The following DOCK3 variants were observed in gnomAD, a reference collection of about 807,000 sequenced individuals.
DOCK3 encodes dedicator of cytokinesis protein 3.
In DOCK3, 60 loss-of-function variants were observed where a neutral mutation model predicts 265.6. That is an observed-to-expected ratio of 0.23 (90% CI 0.18 to 0.28). The LOEUF is 0.28. Among genes scored for constraint, DOCK3 ranks in the 10% least tolerant of loss-of-function variants. The pLI is 1.00. For synonymous variants in DOCK3, 881 were observed against 938.0 expected (o/e 0.94, Z 1.11); for missense variants, 1,981 against 2,594.3 (o/e 0.76, Z 5.14).
intron 1 of DOCK3, among the ~76,000 whole-genome samples, chr3:50,677,777 G>T (rs2107644314): frequency 6.6e-6 from 1 of 152,280 alleles, no homozygotes; most frequent in South Asian, 2.1e-4. Flanking sequence ...TTGAGATCCT[G>T]TAGTAATACT....
intron 4 of DOCK3, among the ~76,000 whole-genome samples, chr3:50,931,185 A>G (rs2051048282): frequency 6.6e-6 from 1 of 151,994 alleles, no homozygotes; most frequent in African/African-American, 2.4e-5. Flanking sequence ...CTTGCTCATT[A>G]TTTTCTCTAT....
At chr3:51,379,415 A>C in intron 51 of DOCK3, 1 of 980,470 alleles carries the variant, frequency 1.0e-6, no homozygotes, top group Non-Finnish European at 1.2e-6. Flanking sequence ...TCAAGAAGTA[A>C]CCTCCCTTCA....
chr3:50,715,537 C>A (rs2037052683), intron 1 of DOCK3, among the ~76,000 whole-genome samples: 1 of 151,780 alleles, frequency 6.6e-6, no homozygotes, highest in Admixed American at 6.6e-5. Flanking sequence ...GGCAACAGAG[C>A]AAGACGCTGC....
intron 12 of DOCK3, among the ~76,000 whole-genome samples, chr3:51,173,294 T>C (rs1049384267): frequency 6.6e-6 from 1 of 152,158 alleles, no homozygotes; most frequent in Non-Finnish European, 1.5e-5. Flanking sequence ...CTAATTGTTG[T>C]ATTTTTTGTA....
At chr3:51,308,150 G>C (rs1049860166) in intron 27 of DOCK3, among the ~76,000 whole-genome samples, 74 of 152,128 alleles carry the variant, frequency 4.9e-4, no homozygotes, top group African/African-American at 1.8e-3. Context: ...GGCTACTGTG[G>C]AGGTGGGAGG....
intron 1 of DOCK3, among the ~76,000 whole-genome samples, chr3:50,715,046 T>C (rs2037014094): frequency 1.3e-5 from 2 of 152,234 alleles, no homozygotes; most frequent in South Asian, 4.1e-4. Flanking sequence ...TTGTTTTTCT[T>C]CTCCACAGCA....
intron 3 of DOCK3, among the ~76,000 whole-genome samples, chr3:50,842,715 C>A (rs1349432771): frequency 6.6e-6 from 1 of 151,850 alleles, no homozygotes; most frequent in Non-Finnish European, 1.5e-5. Context: ...CAAAATGACC[C>A]CTGGTTGAGA....
At chr3:50,719,461 A>G in intron 1 of DOCK3, 1 of 730,932 alleles carries the variant, frequency 1.4e-6, no homozygotes, top group Non-Finnish European at 2.3e-6. Context: ...GATGGTTAAG[A>G]TAAAGCACAA....
At chr3:51,018,500 G>T (rs189183049) in intron 5 of DOCK3, among the ~76,000 whole-genome samples, 41 of 150,738 alleles carry the variant, frequency 2.7e-4, no homozygotes, top group African/African-American at 1.0e-3. Context: ...AAGCTAACTG[G>T]CCATTTGGGT....
chr3:51,335,531 C>A (rs917223842), intron 35 of DOCK3, among the ~76,000 whole-genome samples: 2 of 152,222 alleles, frequency 1.3e-5, no homozygotes, highest in African/African-American at 4.8e-5. Flanking sequence ...AGGACCAGCT[C>A]CTTGAGGATA....
In DOCK3 at chr3:50,680,715, T is replaced by C. The variant is rs77509107; in HGVS notation, c.37+5415T>C. 2.6e-4 allele frequency among the ~76,000 whole-genome samples: 40 copies of C among 151,912 alleles called. 1 individual carries two copies. In the East Asian group the frequency reaches 5.8e-3, roughly 22 times the overall value. On this transcript the variant is annotated intron_variant, in intron 1 of 52. Coordinates refer to ENST00000266037, the MANE Select transcript of DOCK3 (RefSeq NM_004947.5). ...TTATAGAGACTGGGTCTTGCTATTT[T>C]ACTCAGGCTGGTCTTGAGCTCCTGG...
chr3:51,060,476 G>A (rs571821069), intron 5 of DOCK3, among the ~76,000 whole-genome samples: 2 of 152,144 alleles, frequency 1.3e-5, no homozygotes, highest in African/African-American at 2.4e-5. Context: ...GCCCATGCCT[G>A]TGTCCTGAAT....
chr3:51,270,564 C>CAAAT (rs1256122489), intron 23 of DOCK3, among the ~76,000 whole-genome samples: 2 of 152,224 alleles, frequency 1.3e-5, no homozygotes, highest in Non-Finnish European at 2.9e-5. Flanking sequence ...CTCTTGCCAG[C>CAAAT]AAATGCTATA....
intron 27 of DOCK3, among the ~76,000 whole-genome samples, chr3:51,308,320 C>G (rs1476103340): frequency 6.7e-6 from 1 of 149,294 alleles, no homozygotes; most frequent in African/African-American, 2.5e-5. Context: ...AGCAGATAAA[C>G]AAGTGAACAA....
intron 22 of DOCK3, among the ~76,000 whole-genome samples, chr3:51,250,010 A>G (rs1445210888): frequency 6.6e-6 from 1 of 151,864 alleles, no homozygotes; most frequent in Admixed American, 6.6e-5. Flanking sequence ...TGCTGTGTCC[A>G]CTCAGAGTTA....
At chr3:50,749,332 G>C (rs540340754) in intron 1 of DOCK3, among the ~76,000 whole-genome samples, 15 of 152,272 alleles carry the variant, frequency 9.9e-5, no homozygotes, top group African/African-American at 3.6e-4. Context: ...GTAGTGTATA[G>C]TGTGGCACAG....
intron 13 of DOCK3, among the ~76,000 whole-genome samples, chr3:51,209,880 A>G (rs1264262661): frequency 6.6e-6 from 1 of 152,210 alleles, no homozygotes; most frequent in East Asian, 1.9e-4. Flanking sequence ...GATATCTCAG[A>G]GCCTCTCACT....
chr3:51,275,524 C>T (rs909631618), intron 25 of DOCK3, among the ~76,000 whole-genome samples: 1 of 152,114 alleles, frequency 6.6e-6, no homozygotes, highest in African/African-American at 2.4e-5. Context: ...TGGGAGTTTT[C>T]TGAGAATATT....
At chr3:51,051,859 G>A (rs2081005167) in intron 5 of DOCK3, among the ~76,000 whole-genome samples, 1 of 152,040 alleles carries the variant, frequency 6.6e-6, no homozygotes, top group Admixed American at 6.6e-5. Context: ...GGCAAGAGTG[G>A]GAGCAAGGGG....
Sources: allele counts gnomAD v4.1 joint callset (sites outside exome capture counted in the v4.1 genomes callset), GRCh38; gene constraint gnomAD v4.1.1; transcripts MANE v1.5; gene names NCBI Gene and HGNC (gene_info 2026-07-23, HGNC 2026-07-21).